The following DOCK2 variants were observed in gnomAD, a reference collection of about 807,000 sequenced individuals.
DOCK2 encodes dedicator of cytokinesis protein 2.
DOCK2 carries 87 observed loss-of-function variants against 248.9 expected under a neutral mutation model. That is an observed-to-expected ratio of 0.35 (90% confidence interval 0.29 to 0.42). The LOEUF (loss-of-function observed/expected upper bound fraction) is 0.42. DOCK2 is among the 10% of genes least tolerant of loss of function. DOCK2 has a pLI of 1.00. For synonymous variants in DOCK2, 805 were observed against 821.6 expected (o/e 0.98, Z 0.35); for missense variants, 1,747 against 2,300.2 (o/e 0.76, Z 4.92).
chr5:170,069,266 C>T, intron 46 of DOCK2, 46 bp downstream of exon 46: 1 of 1,597,820 alleles, frequency 6.3e-7, no homozygotes, highest in South Asian at 1.1e-5. Flanking sequence ...CCTTCCTCTC[C>T]CCCCACCGTG....
chr5:169,802,622 C>T (rs1468142677), intron 25 of DOCK2, among the ~76,000 whole-genome samples: 1 of 151,926 alleles, frequency 6.6e-6, no homozygotes, highest in South Asian at 2.1e-4. Context: ...ACATCATGGT[C>T]CCCTTGTATA....
intron 22 of DOCK2, among the ~76,000 whole-genome samples, chr5:169,746,946 C>T (rs891903185): frequency 6.6e-6 from 1 of 152,168 alleles, no homozygotes; most frequent in Non-Finnish European, 1.5e-5. Flanking sequence ...TGGCCCCTGA[C>T]ATAAAACAGG....
chr5:169,784,540 G>A (rs1165988226), intron 25 of DOCK2, among the ~76,000 whole-genome samples: 1 of 152,186 alleles, frequency 6.6e-6, no homozygotes, highest in Non-Finnish European at 1.5e-5. Context: ...TTTCAGGTGT[G>A]TACAAATAGA....
chr5:169,666,763 T>A (rs1758758837), intron 2 of DOCK2, among the ~76,000 whole-genome samples: 1 of 152,210 alleles, frequency 6.6e-6, no homozygotes, highest in African/African-American at 2.4e-5. Context: ...TGCTAAAGAA[T>A]GTGTTGGAAT....
chr5:169,694,663 C>T (rs773057719), intron 9 of DOCK2, among the ~76,000 whole-genome samples: 103 of 152,232 alleles, frequency 6.8e-4, no homozygotes, highest in African/African-American at 2.4e-3. Context: ...GATGAGAGTG[C>T]GTTTCACCAG....
intron 27 of DOCK2, among the ~76,000 whole-genome samples, chr5:169,903,115 G>A (rs533475245): frequency 4.9e-4 from 75 of 151,536 alleles, no homozygotes; most frequent in South Asian, 2.9e-3. Context: ...AAGAAAGAAA[G>A]GGGTGAATTT....
In DOCK2 at chr5:170,057,680, A is replaced by T. The variant is rs1331659958; in HGVS notation, c.4467+14A>T. ...CACATGTCGCAGGTGAGTCTGGGACATTCGTGGCAGGGCCACCCTTCCTCC... is the reference window on the plus strand; with the variant it reads ...CACATGTCGCAGGTGAGTCTGGGACTTTCGTGGCAGGGCCACCCTTCCTCC... On this transcript the variant is annotated intron_variant, in intron 44 of 51. Coordinates refer to ENST00000520908, the MANE Select transcript of DOCK2 (RefSeq NM_004946.3). The T allele has an allele frequency of 6.3e-7, 1 of 1,591,270 alleles. No homozygotes were observed. Among genetic ancestry groups the T allele is most frequent in the African/African-American group, 1.3e-5 (1 of 74,284 alleles).
chr5:170,008,761 A>C lies in DOCK2; in HGVS notation c.3232+15A>C. 6.2e-7 allele frequency: 1 copy of C among 1,613,858 alleles called. No individual in the cohort carries two copies. Among genetic ancestry groups the C allele is most frequent in the Non-Finnish European group, 8.5e-7 (1 of 1,179,842 alleles). Reference sequence around the variant, plus strand: ...GTACAAGCTTGGTGAGTAGGCACACACATCCAGATACTCACATCTGCAGGC... The same window carrying C: ...GTACAAGCTTGGTGAGTAGGCACACCCATCCAGATACTCACATCTGCAGGC... On this transcript the variant is annotated intron_variant, in intron 32 of 51. Coordinates refer to ENST00000520908, the MANE Select transcript of DOCK2 (RefSeq NM_004946.3).
At chr5:169,677,699 G>A (rs748328652) in intron 6 of DOCK2, among the ~76,000 whole-genome samples, 50 of 152,166 alleles carry the variant, frequency 3.3e-4, no homozygotes, top group Non-Finnish European at 6.5e-4. Context: ...AACCAGTGAG[G>A]TTCTCCTTTT....
chr5:169,713,307 C>T (rs1265977633), intron 17 of DOCK2, among the ~76,000 whole-genome samples: 1 of 152,160 alleles, frequency 6.6e-6, no homozygotes, highest in East Asian at 1.9e-4. Context: ...ACAGTGTCTG[C>T]TTCATATGTT....
chr5:169,855,696 C>A (rs1420286536), intron 27 of DOCK2, among the ~76,000 whole-genome samples: 1 of 152,152 alleles, frequency 6.6e-6, no homozygotes, highest in Non-Finnish European at 1.5e-5. Context: ...ATGGTGAAGT[C>A]TTTCAATTAA....
intron 1 of DOCK2, among the ~76,000 whole-genome samples, chr5:169,643,541 T>G (rs1757270140): frequency 6.6e-6 from 1 of 152,196 alleles, no homozygotes; most frequent in Admixed American, 6.5e-5. Flanking sequence ...ATAGGGTTCC[T>G]GCTCCTGTGA....
At chr5:169,997,496 A>G (rs1030931739) in intron 30 of DOCK2, among the ~76,000 whole-genome samples, 20 of 135,408 alleles carry the variant, frequency 1.5e-4, no homozygotes, top group African/African-American at 5.3e-4. Flanking sequence ...TCACATGGGG[A>G]GAAACCTTGG....
rs2113794897 is a variant in DOCK2 at position 169,992,767 on chromosome 5, A to G, written c.2994-3319A>G. On this transcript the variant is annotated intron_variant, in intron 29 of 51. Coordinates refer to ENST00000520908, the MANE Select transcript of DOCK2 (RefSeq NM_004946.3). ...CGTGAGCCACCGTGCCCAGCCAATTACTGTTTTTAAAAAAAAAACAAGAAA... is the reference window on the plus strand; with the variant it reads ...CGTGAGCCACCGTGCCCAGCCAATTGCTGTTTTTAAAAAAAAAACAAGAAA... Among the ~76,000 whole-genome samples the G allele has an allele frequency of 2.2e-5, 3 of 137,936 alleles. 1 individual carries two copies. The highest frequency in any genetic ancestry group is 7.6e-5 in the African/African-American group (3 of 39,376). The allele number at this position is 137,936 out of a possible 152,430, so 90.5% of individuals were successfully genotyped here.
chr5:169,684,062 C>T, intron 7 of DOCK2, 134 bp from the exon 8 acceptor site: 1 of 1,029,774 alleles, frequency 9.7e-7, no homozygotes, highest in Non-Finnish European at 1.4e-6. Context: ...GTTACAGAAG[C>T]TTTTGATGGC....
At chr5:170,051,995 C>T (rs77193197) in intron 41 of DOCK2, among the ~76,000 whole-genome samples, 168 of 152,212 alleles carry the variant, frequency 1.1e-3, no homozygotes, top group Middle Eastern at 6.8e-3. Context: ...AGACAGGATT[C>T]GCATGGCAGG....
At chr5:169,883,790 CCTG>C in intron 27 of DOCK2, 1 of 1,551,624 alleles carries the variant, frequency 6.4e-7, no homozygotes. Context: ...TTGAATCTCA[CCTG>C]CTGGGATTTG....
intron 30 of DOCK2, among the ~76,000 whole-genome samples, chr5:170,001,375 T>G (rs1456788440): frequency 3.3e-5 from 5 of 152,132 alleles, no homozygotes; most frequent in Admixed American, 1.3e-4. Context: ...AAACATCGGA[T>G]GGACCAGTGA....
At chr5:170,077,077 A>G (rs1329041296) in intron 47 of DOCK2, among the ~76,000 whole-genome samples, 1 of 152,238 alleles carries the variant, frequency 6.6e-6, no homozygotes, top group African/African-American at 2.4e-5. Context: ...TTATGATTTC[A>G]GTTTATGATA....
Sources: allele counts gnomAD v4.1 joint callset (sites outside exome capture counted in the v4.1 genomes callset), GRCh38; gene constraint gnomAD v4.1.1; transcripts MANE v1.5; gene names NCBI Gene and HGNC (gene_info 2026-07-23, HGNC 2026-07-21).